The following MGST3 variants were observed in gnomAD, a reference collection of about 807,000 sequenced individuals.
The protein encoded by MGST3 is glutathione S-transferase 3, mitochondrial.
Under a neutral mutation model 15.8 loss-of-function variants are expected in MGST3, and 13 were observed. That is an observed-to-expected ratio of 0.82 (90% CI 0.54 to 1.31). MGST3 has a LOEUF of 1.31. Among genes scored for constraint, MGST3 ranks in the 50% most tolerant of loss-of-function variants. The probability of loss-of-function intolerance (pLI) is 0.00; values close to 1 mark genes in which losing one functional copy is unlikely to be tolerated. For missense variants in MGST3, 155 were observed against 192.4 expected (o/e 0.81, Z 1.15); for synonymous variants, 49 against 68.1 (o/e 0.72, Z 1.38).
intron 2 of MGST3, 72 bp downstream of exon 2, chr1:165,650,036 T>C: frequency 6.2e-7 from 1 of 1,605,196 alleles, no homozygotes. Flanking sequence ...GAACTTATTT[T>C]CAGCCATGGA....
chr1:165,644,631 ATAAGT>A (rs1367963318), intron 1 of MGST3, among the ~76,000 whole-genome samples: 6 of 152,262 alleles, frequency 3.9e-5, no homozygotes, highest in African/African-American at 1.4e-4. Flanking sequence ...ATCTTCAATA[ATAAGT>A]TAAACTAGAT....
chr1:165,642,869 T>G (rs370114274), intron 1 of MGST3, among the ~76,000 whole-genome samples: 142 of 152,364 alleles, frequency 9.3e-4, no homozygotes, highest in African/African-American at 3.2e-3. Flanking sequence ...TGAACTGCAC[T>G]TAGCAGATAA....
intron 4 of MGST3, among the ~76,000 whole-genome samples, chr1:165,652,841 G>A (rs1453628803): frequency 1.3e-5 from 2 of 152,226 alleles, no homozygotes; most frequent in Non-Finnish European, 2.9e-5. Flanking sequence ...AGCCCTGTGG[G>A]ATGGAGATTT....
chr1:165,650,906 G>T, intron 2 of MGST3, 108 bp from the exon 3 acceptor site: 1 of 911,996 alleles, frequency 1.1e-6, no homozygotes. Context: ...ATCTATCAAG[G>T]GTGTGAAAGA....
Position 165,649,851 on chromosome 1 carries a change from G to T in MGST3, c.4G>T (p.Ala2Ser). 6.2e-7 allele frequency: 1 copy of T among 1,614,098 alleles called. No homozygotes were observed. Among genetic ancestry groups the T allele is most frequent in the South Asian group, 1.1e-5 (1 of 91,086 alleles). ...TTCTTTCTTCCACAGACGCAAGATG[G>T]CTGTCCTCTCTAAGGAATATGGTTT... MAVLSKEYGFVL... is the reference protein window; with the variant it reads MSVLSKEYGFVL... The change falls in exon 2 of 6, where the codon GCT becomes TCT. Residue 2 changes from alanine (A) to serine (S), a missense_variant. By Grantham distance (99) the Ala-to-Ser change is moderately conservative. Coordinates refer to ENST00000367889, the MANE Select transcript of MGST3 (RefSeq NM_004528.4).
At chr1:165,641,911 A>G (rs1022777236) in intron 1 of MGST3, among the ~76,000 whole-genome samples, 1 of 152,194 alleles carries the variant, frequency 6.6e-6, no homozygotes, top group African/African-American at 2.4e-5. Context: ...AGATAATTCA[A>G]ATTTCTTTTA....
Position 165,655,604 on chromosome 1 carries a change from C to A in MGST3, c.*100C>A, listed in dbSNP as rs1261503884. On this transcript the variant is annotated 3_prime_UTR_variant, in exon 6 of 6. Transcript: ENST00000367889. ...AATATAATAAAAACTTACCTGGCAT[C>A]AGCCTCATACCTAAAACTCCTGACT... The A allele has an allele frequency of 7.1e-7, 1 of 1,408,624 alleles. No individual in the cohort carries two copies. The highest frequency in any genetic ancestry group is 9.8e-7 in the Non-Finnish European group (1 of 1,021,120). 87.3% of individuals were successfully genotyped at this position (1,408,624 alleles called of 1,614,324 possible). A position where few individuals can be genotyped will look rare whatever the true frequency, so the allele number is the denominator to read the frequency against.
At chr1:165,645,424 G>C (rs1243162184) in intron 1 of MGST3, among the ~76,000 whole-genome samples, 1 of 151,870 alleles carries the variant, frequency 6.6e-6, no homozygotes, top group Non-Finnish European at 1.5e-5. Flanking sequence ...TGGTAACAAG[G>C]CCTTCTGGAA....
chr1:165,655,692 A>G lies in MGST3; in HGVS notation c.*188A>G, dbSNP rs1198295218. 2 of 673,250 alleles carry G rather than the reference A, an allele frequency of 3.0e-6. No homozygotes were observed. The allele number at this position is 673,250 out of a possible 1,614,324, so 41.7% of individuals were successfully genotyped here. On this transcript the variant is annotated 3_prime_UTR_variant, in exon 6 of 6. Transcript: ENST00000367889. Reference sequence around the variant, plus strand: ...CAGTAGCCTAGTCCTACTAGATGAGAAAGGAGCCACAAGTATTGTGCCCTC... The same window carrying G: ...CAGTAGCCTAGTCCTACTAGATGAGGAAGGAGCCACAAGTATTGTGCCCTC...
chr1:165,655,320 A>G (rs201345831), intron 5 of MGST3, 48 bp from the exon 6 acceptor site: 73 of 1,611,798 alleles, frequency 4.5e-5, no homozygotes, highest in Admixed American at 4.5e-4. Flanking sequence ...TGAAAGCATC[A>G]TAATTCTGGA....
chr1:165,647,824 G>A (rs1648447623), intron 1 of MGST3: 1 of 151,834 alleles, frequency 6.6e-6, no homozygotes, highest in South Asian at 2.1e-4. Flanking sequence ...CTGGGCTCAG[G>A]TGATCCTCCC....
chr1:165,647,427 G>A (rs1241147450), intron 1 of MGST3: 1 of 152,142 alleles, frequency 6.6e-6, no homozygotes, highest in African/African-American at 2.4e-5. Flanking sequence ...TGTGTTACCT[G>A]GGCTAGCTGG....
intron 4 of MGST3, chr1:165,653,849 G>A: frequency 7.4e-6 from 2 of 268,920 alleles, no homozygotes; most frequent in South Asian, 4.2e-5. Context: ...AACAGCAGCT[G>A]AGTCTTCAGT....
chr1:165,632,662 G>A (rs1262622641), intron 1 of MGST3, among the ~76,000 whole-genome samples: 1 of 152,058 alleles, frequency 6.6e-6, no homozygotes, highest in Non-Finnish European at 1.5e-5. Flanking sequence ...TCTGCAGGGA[G>A]ACTGTCGCCA....
chr1:165,655,694 A>C lies in MGST3; in HGVS notation c.*190A>C, dbSNP rs1248679727. The stretch of plus-strand genomic sequence containing the variant: ...GTAGCCTAGTCCTACTAGATGAGAA[A>C]GGAGCCACAAGTATTGTGCCCTCTC... On this transcript the variant is annotated 3_prime_UTR_variant, in exon 6 of 6. Transcript: ENST00000367889. 15 of 660,014 alleles carry C rather than the reference A, an allele frequency of 2.3e-5. No homozygotes were observed. Among genetic ancestry groups the C allele is most frequent in the Non-Finnish European group, 3.6e-5 (14 of 394,134 alleles). The allele number at this position is 660,014 out of a possible 1,614,324, so 40.9% of individuals were successfully genotyped here.
At chr1:165,631,463 C>T (rs557094458) in intron 1 of MGST3, among the ~76,000 whole-genome samples, 170 bp downstream of exon 1, 1 of 152,358 alleles carries the variant, frequency 6.6e-6, no homozygotes, top group East Asian at 1.9e-4. Context: ...TCCACCCTCT[C>T]TGCTCTCCCC....
intron 1 of MGST3, among the ~76,000 whole-genome samples, chr1:165,643,396 T>TTA (rs918431522): frequency 3.3e-5 from 5 of 152,054 alleles, no homozygotes; most frequent in African/African-American, 1.2e-4. Flanking sequence ...TCTAGTAGGA[T>TTA]TAATGAGCCA....
At chr1:165,654,004 C>A in intron 4 of MGST3, 1 of 442,332 alleles carries the variant, frequency 2.3e-6, no homozygotes, top group Non-Finnish European at 4.2e-6. Context: ...CCAAGATGCC[C>A]AGGGCAAGTG....
intron 1 of MGST3, among the ~76,000 whole-genome samples, chr1:165,634,309 AG>A (rs1198878889): frequency 6.6e-6 from 1 of 152,190 alleles, no homozygotes; most frequent in African/African-American, 2.4e-5. Flanking sequence ...GACCTTGGGC[AG>A]GTCACTTAAC....
Sources: gnomAD v4.1 joint callset for allele counts (sites outside exome capture counted in the v4.1 genomes callset) on GRCh38, gnomAD v4.1.1 for gene constraint, MANE v1.5 for transcripts, NCBI Gene and HGNC (gene_info 2026-07-23, HGNC 2026-07-21) for gene names.